ELMO1: variants seen among roughly 807,000 people sequenced by gnomAD.
ELMO1 encodes the protein engulfment and cell motility 1.
Under a neutral mutation model 98.9 loss-of-function variants are expected in ELMO1, and 26 were observed. The ratio of observed to expected loss-of-function variants is 0.26; its 90% CI spans 0.19 to 0.36. The LOEUF is 0.36. Among genes scored for constraint, ELMO1 ranks in the 10% least tolerant of loss-of-function variants. The pLI is 1.00. For missense variants in ELMO1, 627 were observed against 935.2 expected (o/e 0.67, Z 4.30); for synonymous variants, 346 against 346.0 (o/e 1.00, Z 0.00).
rs149182579 is a variant in ELMO1, at chr7:37,225,105, T to C, written c.550-75A>G. On this transcript the variant is annotated intron_variant, in intron 8 of 21. Transcript: ENST00000310758. ...AGACGTGGAGAAGGGAACAAATGAA[T>C]CAAATCGGGAACTCATTTAAGAAAC... 1.5e-3 allele frequency: 2,275 copies of C among 1,566,324 alleles called. 32 individuals are homozygous for C. The African/African-American group carries it at 0.028, about 20-fold the overall frequency.
intron 13 of ELMO1, among the ~76,000 whole-genome samples, chr7:37,156,038 C>T (rs1314190740): frequency 6.6e-6 from 1 of 152,174 alleles, no homozygotes; most frequent in African/African-American, 2.4e-5. Flanking sequence ...AACTGCACAA[C>T]TACGTGGAAA....
At chr7:37,314,825 A>T in intron 4 of ELMO1, 25 bp downstream of exon 4, 1 of 1,597,306 alleles carries the variant, frequency 6.3e-7, no homozygotes, top group East Asian at 2.2e-5. Context: ...TATGTATCCC[A>T]TATTAAATAA....
intron 1 of ELMO1, among the ~76,000 whole-genome samples, chr7:37,431,082 A>G (rs1317360208): frequency 6.6e-6 from 1 of 152,228 alleles, no homozygotes; most frequent in Non-Finnish European, 1.5e-5. Flanking sequence ...CCTTCCAGTA[A>G]TTCCAGTGCT....
At chr7:36,942,299 C>T (rs995467821) in intron 16 of ELMO1, among the ~76,000 whole-genome samples, 2 of 152,188 alleles carry the variant, frequency 1.3e-5, no homozygotes, top group African/African-American at 2.4e-5. Flanking sequence ...ATATCTAGAA[C>T]GTCTTTCCTC....
intron 13 of ELMO1, 165 bp downstream of exon 13, chr7:37,211,221 A>G (rs1792949080): frequency 1.1e-6 from 1 of 919,596 alleles, no homozygotes. Context: ...AAGCCAGAAG[A>G]GATTTTCATG....
intron 15 of ELMO1, among the ~76,000 whole-genome samples, chr7:37,036,646 T>C (rs1166302675): frequency 6.6e-6 from 1 of 152,196 alleles, no homozygotes; most frequent in African/African-American, 2.4e-5. Context: ...CCCAAAGTGC[T>C]GGGATTACAG....
At chr7:36,859,413 T>A (rs1732594577) in intron 21 of ELMO1, among the ~76,000 whole-genome samples, 4 of 152,114 alleles carry the variant, frequency 2.6e-5, no homozygotes, top group Admixed American at 2.6e-4. Flanking sequence ...TAATCAGGGG[T>A]GGCAGCTGGG....
At chr7:36,936,453 G>A (rs762932407) in intron 16 of ELMO1, among the ~76,000 whole-genome samples, 3 of 152,030 alleles carry the variant, frequency 2.0e-5, no homozygotes, top group South Asian at 2.1e-4. Flanking sequence ...TTCTTCTCTC[G>A]ATTTTTTAGT....
chr7:37,201,687 A>G (rs1038676830), intron 13 of ELMO1, among the ~76,000 whole-genome samples: 1 of 152,214 alleles, frequency 6.6e-6, no homozygotes, highest in African/African-American at 2.4e-5. Context: ...CAGGGTTGCA[A>G]CGTAACAGAA....
At chr7:37,165,035 T>C (rs1789551576) in intron 13 of ELMO1, among the ~76,000 whole-genome samples, 1 of 152,108 alleles carries the variant, frequency 6.6e-6, no homozygotes. Context: ...GTAGTTCTCC[T>C]TGAAGAGGTC....
chr7:37,019,997 A>G (rs758325713), intron 15 of ELMO1, among the ~76,000 whole-genome samples: 1 of 152,198 alleles, frequency 6.6e-6, no homozygotes, highest in Non-Finnish European at 1.5e-5. Context: ...ATATGTTCCT[A>G]TTTTTCACTG....
chr7:37,055,332 G>A (rs970750160), intron 15 of ELMO1, among the ~76,000 whole-genome samples: 2 of 152,196 alleles, frequency 1.3e-5, no homozygotes, highest in African/African-American at 4.8e-5. Flanking sequence ...GTGGATTTGG[G>A]CAGGCTGATT....
At chr7:37,261,710 C>T (rs1483060028) in intron 5 of ELMO1, among the ~76,000 whole-genome samples, 1 of 152,144 alleles carries the variant, frequency 6.6e-6, no homozygotes, top group Admixed American at 6.5e-5. Context: ...TCAAGCGATT[C>T]TCCTGTCTCA....
chr7:37,448,429 T>A (rs1805748024), intron 1 of ELMO1, among the ~76,000 whole-genome samples: 1 of 150,352 alleles, frequency 6.7e-6, no homozygotes, highest in South Asian at 2.1e-4. Flanking sequence ...ACTCCCGCCA[T>A]CCCCGGAGCT....
intron 1 of ELMO1, among the ~76,000 whole-genome samples, chr7:37,440,181 T>C (rs1260113006): frequency 1.3e-5 from 2 of 152,278 alleles, no homozygotes; most frequent in Middle Eastern, 6.8e-3. Context: ...CAGTGGCTCA[T>C]GTCTGTAATC....
chr7:37,047,211 A>G (rs75130877), intron 15 of ELMO1, among the ~76,000 whole-genome samples: 2,777 of 152,366 alleles, frequency 0.018, 37 homozygotes, highest in Middle Eastern at 0.024. Context: ...TTTGTTGAAT[A>G]CAAATGACCT....
chr7:37,291,497 A>G (rs1797677851), intron 4 of ELMO1, among the ~76,000 whole-genome samples: 2 of 152,250 alleles, frequency 1.3e-5, no homozygotes, highest in African/African-American at 4.8e-5. Flanking sequence ...TAAATCCATG[A>G]CAATGAAACA....
chr7:37,435,114 C>T (rs1379943045), intron 1 of ELMO1: 3 of 152,262 alleles, frequency 2.0e-5, no homozygotes, highest in Non-Finnish European at 4.4e-5. Flanking sequence ...TGAATATTTC[C>T]GTTTGGTCCA....
At chr7:37,396,010 T>G (rs998910388) in intron 1 of ELMO1, among the ~76,000 whole-genome samples, 1 of 152,082 alleles carries the variant, frequency 6.6e-6, no homozygotes, top group African/African-American at 2.4e-5. Context: ...TGCACCTTAT[T>G]GAGTCATCCT....
Sources: allele counts gnomAD v4.1 joint callset (sites outside exome capture counted in the v4.1 genomes callset), GRCh38; gene constraint gnomAD v4.1.1; transcripts MANE v1.5; gene names NCBI Gene and HGNC (gene_info 2026-07-23, HGNC 2026-07-21).